Variants in LRRK2 observed in about 807,000 individuals in gnomAD.
LRRK2 encodes the protein leucine rich repeat kinase 2.
A neutral mutation model predicts 302.6 loss-of-function variants in LRRK2; 203 were observed. That is an observed-to-expected ratio of 0.67 (90% CI 0.60 to 0.75). LRRK2 has a LOEUF of 0.75. Among genes scored for constraint, LRRK2 ranks in the 30% least tolerant of loss-of-function variants. LRRK2 has a pLI of 0.00. For synonymous variants in LRRK2, 1,066 were observed against 1,031.9 expected, an observed-to-expected ratio of 1.03 and a Z score of -0.63; for missense variants, 2,830 against 2,951.0, an observed-to-expected ratio of 0.96 and a Z score of 0.95.
Position 40,287,452 on chromosome 12 carries a change from G to T in LRRK2, c.2602G>T (p.Val868Leu), listed in dbSNP as rs199815424. ...SGSDGNFSED[V>L]LSKFDEWTFI... is the part of the protein sequence containing the mutation. ...CAGCGATGGAAATTTTTCTGAAGAT[G>T]TGCTGTCTAAATTTGATGAATGGAC... The change falls in exon 20 of 51, where the codon GTG becomes TTG. Residue 868 changes from valine to leucine, a missense_variant. Physicochemically the swap from Val to Leu is conservative, Grantham distance 32 (BLOSUM62 1). Transcript: ENST00000298910. 23 of 1,612,672 alleles carry T rather than the reference G, an allele frequency of 1.4e-5. No individual in the cohort carries two copies. In the South Asian group the frequency reaches 2.5e-4, roughly 18 times the overall value.
At chr12:40,253,078 A>T in intron 11 of LRRK2, 62 bp downstream of exon 11, 2 of 1,093,616 alleles carry the variant, frequency 1.8e-6, no homozygotes, top group South Asian at 2.6e-5. Context: ...TTTTAATTAT[A>T]GAAGCTATAT....
At chr12:40,239,580 G>A (rs1410698926) in intron 5 of LRRK2, among the ~76,000 whole-genome samples, 1 of 152,104 alleles carries the variant, frequency 6.6e-6, no homozygotes, top group African/African-American at 2.4e-5. Context: ...TGCTGAGAGG[G>A]TTATGACTAT....
chr12:40,293,278 A>G (rs1944233596), intron 20 of LRRK2, among the ~76,000 whole-genome samples: 2 of 152,004 alleles, frequency 1.3e-5, no homozygotes, highest in Admixed American at 6.6e-5. Flanking sequence ...TCTGCATATC[A>G]GTATCCCGTG....
intron 4 of LRRK2, among the ~76,000 whole-genome samples, chr12:40,236,116 C>G (rs1048602645): frequency 1.3e-5 from 2 of 152,044 alleles, no homozygotes; most frequent in Admixed American, 6.6e-5. Flanking sequence ...CTGCCCTTGC[C>G]ATTATTACTT....
intron 23 of LRRK2, among the ~76,000 whole-genome samples, chr12:40,297,046 G>T (rs145150092): frequency 6.6e-6 from 1 of 150,884 alleles, no homozygotes; most frequent in African/African-American, 2.4e-5. Flanking sequence ...AAATACCTTT[G>T]CCCCCACTAG....
intron 7 of LRRK2, among the ~76,000 whole-genome samples, chr12:40,247,418 A>G (rs906474441): frequency 5.8e-5 from 6 of 103,900 alleles, no homozygotes; most frequent in South Asian, 7.7e-4. Flanking sequence ...CACATACTTC[A>G]TATATATGAA....
chr12:40,314,766 G>T (rs1198658404), intron 32 of LRRK2, among the ~76,000 whole-genome samples: 1 of 151,994 alleles, frequency 6.6e-6, no homozygotes, highest in Non-Finnish European at 1.5e-5. Flanking sequence ...TGACTGGGAA[G>T]CTGCTTTTGA....
At chr12:40,235,770 A>G in intron 4 of LRRK2, 56 bp downstream of exon 4, 1 of 935,976 alleles carries the variant, frequency 1.1e-6, no homozygotes. Context: ...AGTTGATACC[A>G]TTAAGTAAAT....
At chr12:40,231,117 G>A (rs192395355) in intron 2 of LRRK2, among the ~76,000 whole-genome samples, 1 of 151,922 alleles carries the variant, frequency 6.6e-6, no homozygotes, top group Non-Finnish European at 1.5e-5. Context: ...TTCATTACTT[G>A]GGGAGCAGCC....
At chr12:40,289,262 T>C (rs1295705725) in intron 20 of LRRK2, among the ~76,000 whole-genome samples, 1 of 151,792 alleles carries the variant, frequency 6.6e-6, no homozygotes, top group East Asian at 1.9e-4. Context: ...GTGCCACTGA[T>C]TTATACCTTA....
At chr12:40,250,172 T>C (rs1442434638) in intron 8 of LRRK2, among the ~76,000 whole-genome samples, 1 of 152,212 alleles carries the variant, frequency 6.6e-6, no homozygotes, top group Non-Finnish European at 1.5e-5. Flanking sequence ...AGCTTTGTCA[T>C]TAAGCAGCTA....
intron 25 of LRRK2, among the ~76,000 whole-genome samples, chr12:40,300,540 C>A (rs776078467): frequency 3.5e-4 from 54 of 152,222 alleles, no homozygotes; most frequent in Non-Finnish European, 6.8e-4. Flanking sequence ...TCAGAGCTTT[C>A]AGAAACTAAT....
chr12:40,328,224 A>C, intron 38 of LRRK2, 136 bp from the exon 39 acceptor site: 4 of 689,764 alleles, frequency 5.8e-6, no homozygotes, highest in Non-Finnish European at 1.0e-5. Context: ...ATGTTAAAGG[A>C]GATTTGATTC....
chr12:40,288,066 T>A (rs1297740033), intron 20 of LRRK2, among the ~76,000 whole-genome samples: 1 of 151,872 alleles, frequency 6.6e-6, no homozygotes, highest in Non-Finnish European at 1.5e-5. Context: ...ATGACAATGA[T>A]TAGGGCTGAT....
intron 12 of LRRK2, among the ~76,000 whole-genome samples, chr12:40,257,609 G>A (rs1942577575): frequency 6.6e-6 from 1 of 152,192 alleles, no homozygotes; most frequent in Non-Finnish European, 1.5e-5. Flanking sequence ...TTTTGAACCT[G>A]ATGCTTGATG....
chr12:40,263,921 T>A lies in LRRK2; in HGVS notation c.1656+20T>A. 6.6e-7 allele frequency: 1 copy of A among 1,522,704 alleles called. No homozygotes were observed. The highest frequency in any genetic ancestry group is 1.1e-5 in the South Asian group (1 of 88,796). The allele number at this position is 1,522,704 out of a possible 1,614,324, so 94.3% of individuals were successfully genotyped here. A position where few individuals can be genotyped will look rare whatever the true frequency, so the allele number is the denominator to read the frequency against. On this transcript the variant is annotated intron_variant, in intron 14 of 50. Transcript: ENST00000298910. ...AACAGGGTATGTTGAATATAAGTTT[T>A]CTGTATTTATACTATTAACTAAAAT...
chr12:40,342,157 CCTGTGGG>C (rs1299890369), intron 41 of LRRK2, among the ~76,000 whole-genome samples: 1 of 152,140 alleles, frequency 6.6e-6, no homozygotes, highest in Non-Finnish European at 1.5e-5. Flanking sequence ...CTCTCGGGTC[CCTGTGGG>C]CTGTGCGCTT....
chr12:40,287,218 G>A, intron 19 of LRRK2, 133 bp from the exon 20 acceptor site: 1 of 772,336 alleles, frequency 1.3e-6, no homozygotes, highest in Non-Finnish European at 2.2e-6. Flanking sequence ...GATCACTAGT[G>A]TAAGGTGACT....
At chr12:40,296,713 G>A (rs1185224926) in intron 23 of LRRK2, among the ~76,000 whole-genome samples, 1 of 151,940 alleles carries the variant, frequency 6.6e-6, no homozygotes, top group Non-Finnish European at 1.5e-5. Flanking sequence ...ATGTTTTAAA[G>A]GCAACATTAC....
Sources: gnomAD v4.1 joint callset for allele counts (sites outside exome capture counted in the v4.1 genomes callset) on GRCh38, gnomAD v4.1.1 for gene constraint, MANE v1.5 for transcripts, NCBI Gene and HGNC (gene_info 2026-07-23, HGNC 2026-07-21) for gene names.